The following TMEM232 variants were observed in gnomAD, a reference collection of about 807,000 sequenced individuals.
TMEM232 encodes transmembrane protein 232.
TMEM232 carries 80 observed loss-of-function variants against 78.8 expected under a neutral mutation model. The observed-to-expected ratio is 1.01, with a 90% CI of 0.85 to 1.22. TMEM232 has a LOEUF of 1.22. Ranked by LOEUF, TMEM232 falls within the 50% of genes most tolerant of loss-of-function variation. The pLI, the probability that TMEM232 is intolerant of heterozygous loss-of-function variation, is 0.00. For synonymous variants in TMEM232, 297 were observed against 254.3 expected, an observed-to-expected ratio of 1.17 and a Z score of -1.60; for missense variants, 881 against 742.2, an observed-to-expected ratio of 1.19 and a Z score of -2.17.
At chr5:110,407,825 T>C (rs1352278552) in intron 2 of TMEM232, among the ~76,000 whole-genome samples, 2 of 152,054 alleles carry the variant, frequency 1.3e-5, no homozygotes, top group Admixed American at 6.6e-5. Flanking sequence ...TCAAGTATTA[T>C]CTCTGACCAC....
chr5:110,564,425 A>G (rs961596357), intron 11 of TMEM232, among the ~76,000 whole-genome samples: 1 of 151,988 alleles, frequency 6.6e-6, no homozygotes, highest in Non-Finnish European at 1.5e-5. Flanking sequence ...AAAAATATAT[A>G]CGTTTACTCA....
At chr5:110,539,810 G>A (rs952888421) in intron 11 of TMEM232, among the ~76,000 whole-genome samples, 3 of 152,122 alleles carry the variant, frequency 2.0e-5, no homozygotes, top group Admixed American at 6.6e-5. Flanking sequence ...CAAAAGGAAG[G>A]CTTAGAATAA....
At chr5:110,674,328 G>A (rs532155624) in intron 1 of TMEM232, among the ~76,000 whole-genome samples, 35 of 152,230 alleles carry the variant, frequency 2.3e-4, no homozygotes, top group African/African-American at 8.2e-4. Context: ...TATTTACTGT[G>A]AATCATATAA....
chr5:110,614,454 T>TA (rs1365412245), intron 8 of TMEM232, among the ~76,000 whole-genome samples: 1 of 152,072 alleles, frequency 6.6e-6, no homozygotes, highest in Non-Finnish European at 1.5e-5. Flanking sequence ...ACTAAGTATT[T>TA]AAAAAAACTG....
intron 12 of TMEM232, among the ~76,000 whole-genome samples, chr5:110,520,600 A>G (rs1188768676): frequency 6.6e-6 from 1 of 152,190 alleles, no homozygotes; most frequent in Non-Finnish European, 1.5e-5. Context: ...TTGCTGCTTG[A>G]GAAACATCCC....
At chr5:110,709,677 T>C (rs565144459) in intron 1 of TMEM232, among the ~76,000 whole-genome samples, 3 of 152,186 alleles carry the variant, frequency 2.0e-5, no homozygotes, top group East Asian at 1.9e-4. Context: ...TAAAAATTTA[T>C]TGAAACAAAT....
chr5:110,569,713 A>G (rs1490786957), intron 10 of TMEM232, among the ~76,000 whole-genome samples: 2 of 151,960 alleles, frequency 1.3e-5, no homozygotes, highest in African/African-American at 2.4e-5. Flanking sequence ...GTTAATAACA[A>G]TCATTATTAT....
chr5:110,486,772 TG>T (rs780672699), intron 12 of TMEM232, among the ~76,000 whole-genome samples: 118 of 152,230 alleles, frequency 7.8e-4, no homozygotes, highest in Non-Finnish European at 1.5e-3. Flanking sequence ...TTGTTCTTTT[TG>T]TTTAGTCTTG....
intron 12 of TMEM232, among the ~76,000 whole-genome samples, chr5:110,526,538 C>A (rs1770630093): frequency 6.6e-6 from 1 of 151,858 alleles, no homozygotes; most frequent in Admixed American, 6.6e-5. Flanking sequence ...ATTGTTAAAA[C>A]CCAAATGTTG....
At chr5:110,718,345 T>A (rs182026338) in intron 1 of TMEM232, among the ~76,000 whole-genome samples, 4 of 152,272 alleles carry the variant, frequency 2.6e-5, no homozygotes, top group East Asian at 1.9e-4. Flanking sequence ...ACAGAATACA[T>A]CTTAAGGCGA....
At chr5:110,646,018 C>A (rs1787429712) in intron 2 of TMEM232, among the ~76,000 whole-genome samples, 3 of 151,384 alleles carry the variant, frequency 2.0e-5, no homozygotes, top group Admixed American at 2.0e-4. Context: ...AGGTGAAAGA[C>A]CTGTACACTG....
chr5:110,696,552 C>G (rs1403133214), intron 1 of TMEM232, among the ~76,000 whole-genome samples: 1 of 152,128 alleles, frequency 6.6e-6, no homozygotes, highest in Non-Finnish European at 1.5e-5. Context: ...ATCTAGAAAA[C>G]CCCATAGTCT....
intron 12 of TMEM232, among the ~76,000 whole-genome samples, chr5:110,427,158 A>C (rs774825341): frequency 1.0e-4 from 15 of 149,694 alleles, no homozygotes; most frequent in Admixed American, 1.3e-4. Context: ...AAAATGTCTA[A>C]GCATATAGGC....
chr5:110,629,473 G>A (rs1030314356), intron 5 of TMEM232, among the ~76,000 whole-genome samples: 4 of 151,930 alleles, frequency 2.6e-5, no homozygotes, highest in African/African-American at 9.7e-5. Context: ...TTGTATACTG[G>A]ACTTTCTATG....
At chr5:110,461,406 G>A (rs963076305) in intron 12 of TMEM232, among the ~76,000 whole-genome samples, 1 of 152,142 alleles carries the variant, frequency 6.6e-6, no homozygotes, top group Non-Finnish European at 1.5e-5. Flanking sequence ...CAGAAGAAAA[G>A]TTGCAATCCA....
At chr5:110,597,916 A>G (rs536411374) in intron 10 of TMEM232, among the ~76,000 whole-genome samples, 12 of 152,336 alleles carry the variant, frequency 7.9e-5, no homozygotes, top group Admixed American at 7.2e-4. Context: ...AAACCCTAGA[A>G]GAAACCTAGG....
At chr5:110,635,749 C>CA (rs200705322) in intron 5 of TMEM232, among the ~76,000 whole-genome samples, 3,075 of 148,198 alleles carry the variant, frequency 0.021, 105 homozygotes, top group African/African-American at 0.066. Flanking sequence ...ATTAAAAAGA[C>CA]AAAAAAAAAT....
intron 12 of TMEM232, among the ~76,000 whole-genome samples, chr5:110,452,888 C>G (rs182380050): frequency 6.6e-6 from 1 of 152,270 alleles, no homozygotes; most frequent in East Asian, 1.9e-4. Context: ...GTTCCTATTA[C>G]AATGTAAAAG....
chr5:110,647,101 A>G (rs553760942), intron 2 of TMEM232, among the ~76,000 whole-genome samples: 18 of 152,046 alleles, frequency 1.2e-4, no homozygotes, highest in Non-Finnish European at 2.1e-4. Flanking sequence ...ACGAAAGTGC[A>G]CTATCACCAC....
Sources: gnomAD v4.1 joint callset for allele counts (sites outside exome capture counted in the v4.1 genomes callset) on GRCh38, gnomAD v4.1.1 for gene constraint, MANE v1.5 for transcripts, NCBI Gene and HGNC (gene_info 2026-07-23, HGNC 2026-07-21) for gene names.